PARVG: variants seen among roughly 807,000 people sequenced by gnomAD.
PARVG encodes parvin gamma.
PARVG carries 36 observed loss-of-function variants against 44.4 expected under a neutral mutation model. That is an observed-to-expected ratio of 0.81 (90% CI 0.62 to 1.07). The LOEUF (loss-of-function observed/expected upper bound fraction) is 1.07, where lower values mean the gene tolerates loss of function less well. Among genes scored for constraint, PARVG ranks in the 50% least tolerant of loss-of-function variants. The pLI, the probability that PARVG is intolerant of heterozygous loss-of-function variation, is 0.00. For missense variants in PARVG, 407 were observed against 407.4 expected (o/e 1.00, Z 0.01); for synonymous variants, 170 against 174.1 (o/e 0.98, Z 0.19).
At chr22:44,205,376 C>T (rs2054766101) in intron 12 of PARVG, among the ~76,000 whole-genome samples, 1 of 152,244 alleles carries the variant, frequency 6.6e-6, no homozygotes, top group South Asian at 2.1e-4. Flanking sequence ...TTCTCCCTGC[C>T]TGGCGGGACT....
intron 10 of PARVG, 50 bp downstream of exon 10, chr22:44,196,263 A>G: frequency 1.2e-6 from 2 of 1,613,660 alleles, no homozygotes; most frequent in Admixed American, 1.7e-5. Flanking sequence ...CACCCCACCC[A>G]CTGCCCACCT....
At chr22:44,197,386 G>C (rs146286118) in intron 11 of PARVG, among the ~76,000 whole-genome samples, 69 of 152,342 alleles carry the variant, frequency 4.5e-4, no homozygotes, top group African/African-American at 1.4e-3. Flanking sequence ...CACTTACAGA[G>C]GAGGATGTTA....
Position 44,187,987 on chromosome 22 carries a change from G to A in PARVG, c.247+109G>A, listed in dbSNP as rs1019020767. 5.5e-6 allele frequency: 6 copies of A among 1,089,388 alleles called. No homozygotes were observed. In the Admixed American group the frequency reaches 1.2e-4, roughly 21 times the overall value. The allele number at this position is 1,089,388 out of a possible 1,614,324, so 67.5% of individuals were successfully genotyped here. ...CCTTCAGTCCCCACAATGGTCCCGG[G>A]TTTAGGGACACCTGTCTCACTTTCT... is the stretch of plus-strand genomic sequence containing the variant. On this transcript the variant is annotated intron_variant, in intron 5 of 13. Transcript: ENST00000444313.
intron 3 of PARVG, chr22:44,183,890 C>T: frequency 2.8e-6 from 1 of 352,308 alleles, no homozygotes; most frequent in Non-Finnish European, 5.1e-6. Context: ...CGATGCCCAC[C>T]ATGGAGTGAT....
intron 5 of PARVG, 68 bp downstream of exon 5, chr22:44,187,946 CACAGGT>C: frequency 6.8e-7 from 1 of 1,477,314 alleles, no homozygotes; most frequent in African/African-American, 1.4e-5. Context: ...CTCCAGGGCC[CACAGGT>C]AGGCTCTCTC....
upstream of PARVG, among the ~76,000 whole-genome samples, chr22:44,178,655 A>G (rs981433492): frequency 6.6e-6 from 1 of 152,238 alleles, no homozygotes; most frequent in Non-Finnish European, 1.5e-5. Context: ...GATAGATTCT[A>G]CAGGACAACT....
intron 12 of PARVG, among the ~76,000 whole-genome samples, chr22:44,203,632 G>A (rs928731439): frequency 1.3e-5 from 2 of 152,180 alleles, no homozygotes; most frequent in South Asian, 2.1e-4. Context: ...TACTCTCCAT[G>A]TAACTGCAAA....
intron 6 of PARVG, 122 bp from the exon 7 acceptor site, chr22:44,190,429 C>A (rs2054531820): frequency 2.8e-6 from 2 of 712,812 alleles, no homozygotes; most frequent in Admixed American, 4.4e-5. Flanking sequence ...CTCTGCTCTC[C>A]AGAAGGCTGG....
chr22:44,181,134 C>G lies in PARVG; in HGVS notation c.-240C>G. 2 of 431,932 alleles carry G rather than the reference C, an allele frequency of 4.6e-6. No individual in the cohort carries two copies. The highest frequency in any genetic ancestry group is 6.2e-6 in the Non-Finnish European group (2 of 323,850). 26.8% of individuals were successfully genotyped at this position (431,932 alleles called of 1,614,324 possible). On this transcript the variant is annotated 5_prime_UTR_variant, in exon 1 of 14. Coordinates refer to ENST00000444313, the MANE Select transcript of PARVG (RefSeq NM_022141.7). ...CCGATCCCCTTGGCAACAACCACCA[C>G]CAATATTTATTCACTGAGCCCACTT...
chr22:44,190,895 T>C (rs2147227806), intron 7 of PARVG, among the ~76,000 whole-genome samples: 1 of 151,992 alleles, frequency 6.6e-6, no homozygotes, highest in Middle Eastern at 3.4e-3. Flanking sequence ...CATGAGGAGG[T>C]CCACGGCTGG....
At chr22:44,198,965 T>TCCACCCACCCACCCACCCACCCAC (rs2054665277) in intron 12 of PARVG, among the ~76,000 whole-genome samples, 1 of 80,200 alleles carries the variant, frequency 1.2e-5, no homozygotes, top group Admixed American at 1.2e-4. Context: ...CATCCATCCA[T>TCCACCCACCCACCCACCCACCCAC]CCATCCATCC....
At chr22:44,200,516 C>T (rs2054692758) in intron 12 of PARVG, among the ~76,000 whole-genome samples, 2 of 152,192 alleles carry the variant, frequency 1.3e-5, no homozygotes, top group Admixed American at 6.5e-5. Flanking sequence ...ACATTGGAGG[C>T]GTGCATCCCA....
intron 4 of PARVG, 59 bp downstream of exon 4, chr22:44,185,931 G>C: frequency 6.5e-7 from 1 of 1,528,470 alleles, no homozygotes; most frequent in South Asian, 1.1e-5. Flanking sequence ...CCAGGCAGCG[G>C]CCTCCACGGG....
At chr22:44,183,205 C>A in intron 2 of PARVG, 113 bp from the exon 3 acceptor site, 1 of 985,006 alleles carries the variant, frequency 1.0e-6, no homozygotes, top group Non-Finnish European at 1.5e-6. Flanking sequence ...TGACGTGTCC[C>A]CAGAACCTGG....
intron 9 of PARVG, 175 bp from the exon 10 acceptor site, chr22:44,195,980 C>T (rs565766661): frequency 4.7e-4 from 310 of 656,010 alleles, no homozygotes; most frequent in African/African-American, 3.8e-3. Flanking sequence ...TGGGGCCACA[C>T]GGCCAGGAGA....
intron 8 of PARVG, among the ~76,000 whole-genome samples, chr22:44,192,692 T>C (rs990033602): frequency 8.8e-5 from 13 of 147,156 alleles, no homozygotes; most frequent in Admixed American, 2.0e-4. Context: ...ACCATCCTGC[T>C]CCCTGCCCAC....
chr22:44,189,162 C>T lies in PARVG; in HGVS notation c.296C>T (p.Ala99Val). ...KLEAEDIALTATSQKHKLTVV... is the reference protein window; with the variant it reads ...KLEAEDIALTVTSQKHKLTVV... ...GAAGCAGAGGACATCGCCCTGACAG[C>T]CACAAGCCAGAAGCACAAGCTCACA... Residue 99 changes from alanine (A) to valine (V), a missense_variant, in exon 6 of 14, where the codon GCC (alanine) becomes GTC (valine). Ala to Val is a moderately conservative substitution (Grantham distance 64). Transcript: ENST00000444313. The T allele has an allele frequency of 6.2e-7, 1 of 1,614,182 alleles. No homozygotes were observed. The highest frequency in any genetic ancestry group is 2.2e-5 in the East Asian group (1 of 44,876).
intron 12 of PARVG, among the ~76,000 whole-genome samples, chr22:44,198,962 CCA>C (rs2054664849): frequency 7.2e-6 from 1 of 139,582 alleles, no homozygotes; most frequent in African/African-American, 2.7e-5. Flanking sequence ...ATCCATCCAT[CCA>C]TCCATCCATC....
At chr22:44,179,532 T>C (rs947460904), upstream of PARVG, among the ~76,000 whole-genome samples, 4 of 152,230 alleles carry the variant, frequency 2.6e-5, no homozygotes, top group Non-Finnish European at 5.9e-5. This position sits in a 1 kb window ranked among gnomAD's most constrained non-coding sequence, Gnocchi z 4.2. Context: ...GTATTGCGTA[T>C]GGAAGCCACA....
Sources: allele counts gnomAD v4.1 joint callset (sites outside exome capture counted in the v4.1 genomes callset), GRCh38; gene constraint gnomAD v4.1.1; non-coding constraint Gnocchi (gnomAD v3.1); transcripts MANE v1.5; gene names NCBI Gene and HGNC (gene_info 2026-07-23, HGNC 2026-07-21).